Variants in AGO2 observed in about 807,000 individuals in gnomAD.
AGO2 encodes protein argonaute-2.
A neutral mutation model predicts 102.3 loss-of-function variants in AGO2; 5 were observed. The ratio of observed to expected loss-of-function variants is 0.05; its 90% CI spans 0.03 to 0.10. The LOEUF is 0.10. Ranked by LOEUF, AGO2 falls within the 10% of genes least tolerant of loss-of-function variation. The pLI, the probability that AGO2 is intolerant of heterozygous loss-of-function variation, is 1.00. For synonymous variants in AGO2, 449 were observed against 473.1 expected (o/e 0.95, Z 0.66); for missense variants, 541 against 1,183.7 (o/e 0.46, Z 7.97).
chr8:140,523,783 C>T lies in AGO2; in HGVS notation c.*8261G>A, dbSNP rs2072454881. On this transcript the variant is annotated 3_prime_UTR_variant, in exon 19 of 19. Coordinates refer to ENST00000220592, the MANE Select transcript of AGO2 (RefSeq NM_012154.5). ...TGGGATGGCAGCCACAGTGCTCCCT[C>T]TGCAGCCGTTGCCTCTGTGGAGGGA... is the stretch of plus-strand genomic sequence containing the variant. 6.6e-6 allele frequency: 1 copy of T among 152,210 alleles called. No individual in the cohort carries two copies. Among genetic ancestry groups the T allele is most frequent in the Non-Finnish European group, 1.5e-5 (1 of 68,046 alleles). The allele number at this position is 152,210 out of a possible 1,614,324, so 9.4% of individuals were successfully genotyped here.
intron 3 of AGO2, among the ~76,000 whole-genome samples, chr8:140,569,125 G>A (rs1356268891): frequency 6.6e-6 from 1 of 152,270 alleles, no homozygotes; most frequent in Non-Finnish European, 1.5e-5. Flanking sequence ...CAGGTCAGCA[G>A]GCAACAGCCC....
chr8:140,535,999 G>A (rs1357909248), intron 16 of AGO2, among the ~76,000 whole-genome samples: 1 of 152,252 alleles, frequency 6.6e-6, no homozygotes, highest in African/African-American at 2.4e-5. Flanking sequence ...GCTCCAGGCA[G>A]AGGCGCTGGG....
At chr8:140,621,136 G>A (rs1018718095) in intron 1 of AGO2, among the ~76,000 whole-genome samples, 1 of 152,172 alleles carries the variant, frequency 6.6e-6, no homozygotes, top group African/African-American at 2.4e-5. Flanking sequence ...CCTCACAGGT[G>A]CCATTTCTGA....
chr8:140,609,170 G>A (rs1362686173), intron 1 of AGO2, among the ~76,000 whole-genome samples: 1 of 152,284 alleles, frequency 6.6e-6, no homozygotes, highest in Non-Finnish European at 1.5e-5. Context: ...GGAAAAGCCA[G>A]CGTGAGCCAA....
rs901081153 is a variant in AGO2, at chr8:140,520,299, T to C, written c.*11745A>G. The stretch of plus-strand genomic sequence containing the variant: ...AGCATTCTGTGCATGTTAGGGGTTA[T>C]GTAAGGAGGTGAAAAAACACTATGC... On this transcript the variant is annotated 3_prime_UTR_variant, in exon 19 of 19. Coordinates refer to ENST00000220592, the MANE Select transcript of AGO2 (RefSeq NM_012154.5). 3 of 152,224 alleles carry C rather than the reference T, an allele frequency of 2.0e-5. No homozygotes were observed. Among genetic ancestry groups the C allele is most frequent in the South Asian group, 2.1e-4 (1 of 4,834 alleles). 9.4% of individuals were successfully genotyped at this position (152,224 alleles called of 1,614,324 possible).
In AGO2 at chr8:140,557,013, T is replaced by C; in HGVS notation, c.1026+76A>G. On this transcript the variant is annotated intron_variant, in intron 8 of 18. Transcript: ENST00000220592. The surrounding 1 kb of genome is among the most constrained non-coding windows in gnomAD (Gnocchi z 5.9). ...GTATCTGACTGGGGCCTCGGCGGTTTCTCGAAGCTGCATGCCCCAGCCTGG... is the reference window on the plus strand; with the variant it reads ...GTATCTGACTGGGGCCTCGGCGGTTCCTCGAAGCTGCATGCCCCAGCCTGG... 1 of 1,528,814 alleles carries C rather than the reference T, an allele frequency of 6.5e-7. No homozygotes were observed. The highest frequency in any genetic ancestry group is 1.3e-5 in the South Asian group (1 of 78,344). The allele number at this position is 1,528,814 out of a possible 1,614,324, so 94.7% of individuals were successfully genotyped here.
In AGO2 at chr8:140,603,976, T is replaced by G. The variant is rs1457726633; in HGVS notation, c.23-18665A>C. ...CTCCCGGGGATGAGCTGCCCCTCCC[T>G]CAGGGTGAAGGAGCTGCATGGAGTG... is the stretch of plus-strand genomic sequence containing the variant. On this transcript the variant is annotated intron_variant, in intron 1 of 18. Coordinates refer to ENST00000220592, the MANE Select transcript of AGO2 (RefSeq NM_012154.5). 2.6e-5 allele frequency among the ~76,000 whole-genome samples: 4 copies of G among 152,194 alleles called. No individual in the cohort carries two copies. In the East Asian group the frequency reaches 7.7e-4, roughly 29 times the overall value.
chr8:140,532,233 A>T, intron 18 of AGO2, 81 bp from the exon 19 acceptor site: 4 of 1,465,004 alleles, frequency 2.7e-6, no homozygotes, highest in Non-Finnish European at 3.8e-6. Flanking sequence ...CTAAGTCGGG[A>T]TGGCATGGCG....
At chr8:140,578,462 C>G (rs1008338773) in intron 2 of AGO2, among the ~76,000 whole-genome samples, 1 of 152,194 alleles carries the variant, frequency 6.6e-6, no homozygotes, top group South Asian at 2.1e-4. Flanking sequence ...AGCCAGCCCA[C>G]GGAGCCACCT....
At chr8:140,640,991 A>G in the AGO2 span, among the ~76,000 whole-genome samples, 1 of 152,204 alleles carries the variant, frequency 6.6e-6, no homozygotes, top group African/African-American at 2.4e-5. Flanking sequence ...TGGAGTTAAA[A>G]GAGATAAATA....
At chr8:140,613,194 C>T (rs1449837865) in intron 1 of AGO2, among the ~76,000 whole-genome samples, 3 of 151,986 alleles carry the variant, frequency 2.0e-5, no homozygotes, top group East Asian at 1.9e-4. Context: ...AGCAAGACTC[C>T]GTCTCAAAAA....
In AGO2 at chr8:140,522,034, G is replaced by A. The variant is rs561248376; in HGVS notation, c.*10010C>T. The A allele has an allele frequency of 9.9e-5, 15 of 152,032 alleles. No homozygotes were observed. The highest frequency in any genetic ancestry group is 2.4e-4 in the African/African-American group (10 of 41,452). 9.4% of individuals were successfully genotyped at this position (152,032 alleles called of 1,614,324 possible). ...TTTTTCTTTTCACAGGGGGGCAGTC[G>A]GGATTATAATACACTGTAGCAGTTG... On this transcript the variant is annotated 3_prime_UTR_variant, in exon 19 of 19. Coordinates refer to ENST00000220592, the MANE Select transcript of AGO2 (RefSeq NM_012154.5).
chr8:140,603,956 G>A (rs1193247221), intron 1 of AGO2, among the ~76,000 whole-genome samples: 3 of 152,320 alleles, frequency 2.0e-5, no homozygotes, highest in South Asian at 2.1e-4. Context: ...CCTGCCTCCC[G>A]GGGATGAGCT....
upstream of AGO2, among the ~76,000 whole-genome samples, chr8:140,638,767 G>A (rs1373483548): frequency 6.6e-6 from 1 of 152,046 alleles, no homozygotes; most frequent in Non-Finnish European, 1.5e-5. Flanking sequence ...GTAGAGACAG[G>A]TCTCACTGTG....
chr8:140,600,341 C>G (rs533049960), intron 1 of AGO2, among the ~76,000 whole-genome samples: 1 of 152,346 alleles, frequency 6.6e-6, no homozygotes, highest in Non-Finnish European at 1.5e-5. Context: ...GGCCTCTGTT[C>G]AGACTCCTGC....
rs111592169 is a variant in AGO2 at position 140,596,901 on chromosome 8, G to A, written c.23-11590C>T. On this transcript the variant is annotated intron_variant, in intron 1 of 18. Transcript: ENST00000220592. ...CATCCTGCGAGACACAACCCTGTCC[G>A]GGAGAACTCCCCTGGTGCCCACCAG... 4.4e-3 allele frequency among the ~76,000 whole-genome samples: 670 copies of A among 152,242 alleles called. 5 individuals are homozygous for A. Among genetic ancestry groups the A allele is most frequent in the African/African-American group, 0.015 (626 of 41,534 alleles).
chr8:140,624,598 C>G (rs2074252742), intron 1 of AGO2, among the ~76,000 whole-genome samples: 1 of 152,240 alleles, frequency 6.6e-6, no homozygotes, highest in African/African-American at 2.4e-5. Flanking sequence ...GCTGGGGGCT[C>G]AGGAGGAGGC....
Position 140,549,492 on chromosome 8 carries a change from A to G in AGO2, c.1404-194T>C, listed in dbSNP as rs73360481. 4.9e-3 allele frequency among the ~76,000 whole-genome samples: 749 copies of G among 152,374 alleles called. 8 individuals carry two copies. Among genetic ancestry groups the G allele is most frequent in the African/African-American group, 0.017 (711 of 41,596 alleles). On this transcript the variant is annotated intron_variant, in intron 11 of 18. Transcript: ENST00000220592. ...CCTAACACATACTAACTCATGAGAA[A>G]GGTTAAGTGTGCTAAACATACATGT...
intron 1 of AGO2, among the ~76,000 whole-genome samples, chr8:140,611,924 A>G (rs566126286): frequency 4.0e-4 from 61 of 152,240 alleles, no homozygotes; most frequent in African/African-American, 1.3e-3. Flanking sequence ...CAAATACTTA[A>G]AAGACTTCTG....
Sources: allele counts gnomAD v4.1 joint callset (sites outside exome capture counted in the v4.1 genomes callset), GRCh38; gene constraint gnomAD v4.1.1; non-coding constraint Gnocchi (gnomAD v3.1); transcripts MANE v1.5; gene names NCBI Gene and HGNC (gene_info 2026-07-23, HGNC 2026-07-21).